TRIML2: variants seen among roughly 807,000 people sequenced by gnomAD.
The protein encoded by TRIML2 is probable E3 ubiquitin-protein ligase TRIML2.
A neutral mutation model predicts 31.2 loss-of-function variants in TRIML2; 28 were observed. The ratio of observed to expected loss-of-function variants is 0.90; its 90% CI spans 0.66 to 1.23. TRIML2 has a LOEUF of 1.23. Among genes scored for constraint, TRIML2 ranks in the 50% most tolerant of loss-of-function variants. The pLI, the probability that TRIML2 is intolerant of heterozygous loss-of-function variation, is 0.00. For synonymous variants in TRIML2, 187 were observed against 197.5 expected, an observed-to-expected ratio of 0.95 and a Z score of 0.45; for missense variants, 536 against 528.3, an observed-to-expected ratio of 1.01 and a Z score of -0.14.
At chr4:188,104,463 AGCGATT>A (rs1362655618) in intron 3 of TRIML2, among the ~76,000 whole-genome samples, 1 of 151,932 alleles carries the variant, frequency 6.6e-6, no homozygotes, top group East Asian at 1.9e-4. Context: ...TCCCAGTTCA[AGCGATT>A]CTCCTGCCTC....
chr4:188,091,753 T>A lies in TRIML2; in HGVS notation c.934A>T (p.Lys312Ter), dbSNP rs760254795. The change falls in exon 8 of 8, where the codon AAG (lysine) becomes TAG (stop). Residue 312 changes from lysine to a stop codon, truncating the protein, a stop_gained. Coordinates refer to ENST00000682553, the MANE Select transcript of TRIML2 (RefSeq NM_173553.4). LOFTEE classifies it low-confidence loss of function (END_TRUNC). ...ATGCCCACTTGCCACCTGGTTGCCT[T>A]TTCCACGTCCACCTCCCAGTAGTGC... ...GRHYWEVDVE[K>*]ATRWQVGIYH... is the part of the protein sequence containing the mutation. 3.7e-6 allele frequency: 6 copies of A among 1,614,048 alleles called. No individual in the cohort carries two copies. In the East Asian group the frequency reaches 1.3e-4, roughly 36 times the overall value.
chr4:188,102,067 T>C (rs1415383624), intron 3 of TRIML2, among the ~76,000 whole-genome samples: 1 of 149,496 alleles, frequency 6.7e-6, no homozygotes, highest in African/African-American at 2.5e-5. Flanking sequence ...GAGGTGGAGC[T>C]TGCAGTGAGC....
intron 7 of TRIML2, among the ~76,000 whole-genome samples, chr4:188,095,828 G>A (rs556453412): frequency 2.0e-5 from 3 of 152,122 alleles, no homozygotes; most frequent in African/African-American, 4.8e-5. Flanking sequence ...GTAAATTATG[G>A]TATATTTATA....
chr4:188,105,262 G>A lies in TRIML2; in HGVS notation c.107C>T (p.Thr36Ile). Reference protein sequence around the residue: ...TRLFCDVDQITLCSKCFQSQE... With the variant: ...TRLFCDVDQIILCSKCFQSQE... ...GGACTGGAAGCATTTGCTGCAGAGT[G>A]TGATTTGGTCAACATCACAGAACAG... Residue 36 changes from threonine to isoleucine, a missense_variant, in exon 2 of 8, where the codon ACA becomes ATA. Physicochemically the swap from Thr to Ile is moderately conservative, Grantham distance 89 (BLOSUM62 -1). Coordinates refer to ENST00000682553, the MANE Select transcript of TRIML2 (RefSeq NM_173553.4). The A allele has an allele frequency of 1.9e-6, 3 of 1,612,854 alleles. No individual in the cohort carries two copies. The highest frequency in any genetic ancestry group is 1.3e-5 in the African/African-American group (1 of 75,052).
chr4:188,106,554 C>A, intron 1 of TRIML2: 2 of 153,994 alleles, frequency 1.3e-5, no homozygotes, highest in South Asian at 3.7e-4. Context: ...GTTCAGTCAC[C>A]AACATGCAGT....
At chr4:188,103,728 A>G (rs979741808) in intron 3 of TRIML2, among the ~76,000 whole-genome samples, 1 of 152,158 alleles carries the variant, frequency 6.6e-6, no homozygotes, top group Admixed American at 6.6e-5. Flanking sequence ...GTTTATATCC[A>G]CTAGAATGCA....
At position 188,104,818 on chromosome 4, in the gene TRIML2, A is replaced by C. The variant is rs9685561; in HGVS notation, c.285+19T>G. 0.1 allele frequency: 163,095 copies of C among 1,587,344 alleles called. 10,627 individuals are homozygous for C. Among genetic ancestry groups the C allele is most frequent in the South Asian group, 0.27 (24,474 of 89,966 alleles). The stretch of plus-strand genomic sequence containing the variant: ...TACTGGTAATTTCCCCCCAAGAATC[A>C]AGATAAGCACTCACTGACCTGAATC... On this transcript the variant is annotated intron_variant, in intron 3 of 7. Coordinates refer to ENST00000682553, the MANE Select transcript of TRIML2 (RefSeq NM_173553.4).
intron 1 of TRIML2, among the ~76,000 whole-genome samples, chr4:188,107,139 C>T (rs746449519): frequency 3.3e-5 from 5 of 152,014 alleles, no homozygotes; most frequent in Non-Finnish European, 7.4e-5. Context: ...CTCAGCCTCC[C>T]GAGTAGCTGG....
At position 188,105,201 on chromosome 4, in the gene TRIML2, T is replaced by C. The variant is rs1483453757; in HGVS notation, c.168A>G (p.Gln56=). The C allele has an allele frequency of 3.1e-6, 5 of 1,603,168 alleles. No individual in the cohort carries two copies. The highest frequency in any genetic ancestry group is 4.3e-6 in the Non-Finnish European group (5 of 1,170,758). ...TTACCCTGTAATTCTCAGCAGCCTC[T>C]TGTATCCCACACACCATGTGATGTT... ...EHKHHMVCGI[Q]EAAENYRKLF... is the part of the protein sequence containing the mutation. Residue 56 remains glutamine, a synonymous_variant, in exon 2 of 8, where the codon CAA becomes CAG. Transcript: ENST00000682553.
chr4:188,108,780 G>T (rs1433263270), intron 1 of TRIML2, among the ~76,000 whole-genome samples: 3 of 152,098 alleles, frequency 2.0e-5, no homozygotes, highest in African/African-American at 7.2e-5. Context: ...TCCCAAGAGA[G>T]ACCTTTCCAT....
rs1440385924 is a variant in TRIML2 at position 188,109,374 on chromosome 4, T to C, written c.-354A>G. 2 of 141,548 alleles carry C rather than the reference T, an allele frequency of 1.4e-5. No homozygotes were observed. Among genetic ancestry groups the C allele is most frequent in the African/African-American group, 5.2e-5 (2 of 38,228 alleles). 8.8% of individuals were successfully genotyped at this position (141,548 alleles called of 1,614,324 possible). On this transcript the variant is annotated 5_prime_UTR_variant, in exon 1 of 8. Transcript: ENST00000682553. ...TCACTACAGCCTCGAGCTCCCAGGC[T>C]CAAGTGATTCTCCCACCTTGACCTC...
At chr4:188,097,378 T>C in intron 5 of TRIML2, 32 bp from the exon 6 acceptor site, 1 of 1,611,062 alleles carries the variant, frequency 6.2e-7, no homozygotes, top group Non-Finnish European at 8.5e-7. Flanking sequence ...AGGTTACTAC[T>C]GGGTTTTTGA....
chr4:188,098,608 C>T, intron 5 of TRIML2: 1 of 191,188 alleles, frequency 5.2e-6, no homozygotes, highest in Non-Finnish European at 1.1e-5. Context: ...TGTTAGCAAC[C>T]ACACATGTAT....
At position 188,105,586 on chromosome 4, in the gene TRIML2, G is replaced by A; in HGVS notation, c.-218C>T. 1 of 412,604 alleles carries A rather than the reference G, an allele frequency of 2.4e-6. No homozygotes were observed. Among genetic ancestry groups the A allele is most frequent in the Non-Finnish European group, 4.4e-6 (1 of 229,432 alleles). 25.6% of individuals were successfully genotyped at this position (412,604 alleles called of 1,614,324 possible). On this transcript the variant is annotated 5_prime_UTR_variant, in exon 2 of 8. Coordinates refer to ENST00000682553, the MANE Select transcript of TRIML2 (RefSeq NM_173553.4). ...CAAATCCAACAAATTTCTGGCAGCT[G>A]CCTGCTTGGGGAAAAGACAGAGTTA...
intron 3 of TRIML2, among the ~76,000 whole-genome samples, chr4:188,104,266 C>A (rs749728417): frequency 1.1e-4 from 17 of 152,200 alleles, no homozygotes; most frequent in Non-Finnish European, 2.4e-4. Context: ...AGTTCAAATT[C>A]TTTCAATGTA....
intron 5 of TRIML2, chr4:188,098,207 T>C (rs1733612785): frequency 4.4e-6 from 2 of 451,804 alleles, no homozygotes; most frequent in African/African-American, 2.0e-5. Flanking sequence ...ATACTTACCA[T>C]AGACTGAGTA....
chr4:188,091,908 G>T lies in TRIML2; in HGVS notation c.779C>A (p.Pro260His). 1 of 1,612,654 alleles carries T rather than the reference G, an allele frequency of 6.2e-7. No individual in the cohort carries two copies. The highest frequency in any genetic ancestry group is 8.5e-7 in the Non-Finnish European group (1 of 1,179,930). Residue 260 changes from proline (P) to histidine (H), a missense_variant, in exon 8 of 8, where the codon CCC becomes CAC. By Grantham distance (77) the Pro-to-His change is moderately conservative. Coordinates refer to ENST00000682553, the MANE Select transcript of TRIML2 (RefSeq NM_173553.4). ...CAGGTCCTCAGATAGTGCCAGGCAG[G>T]GATGAGCTGTTTCAGGATCCAATGT... is the stretch of plus-strand genomic sequence containing the variant. ...HLTLDPETAH[P>H]CLALSEDLRT...
At chr4:188,104,742 T>G in intron 3 of TRIML2, 95 bp downstream of exon 3, 1 of 1,043,756 alleles carries the variant, frequency 9.6e-7, no homozygotes, top group Non-Finnish European at 1.5e-6. Context: ...TTTTCCTGCT[T>G]TGTGATTTGT....
chr4:188,104,983 G>C (rs2111189067), intron 2 of TRIML2, 51 bp from the exon 3 acceptor site: 1 of 1,543,498 alleles, frequency 6.5e-7, no homozygotes, highest in South Asian at 1.1e-5. Context: ...TAGAACAGTT[G>C]GATTCCTGAC....
Sources: allele counts gnomAD v4.1 joint callset (sites outside exome capture counted in the v4.1 genomes callset), GRCh38; gene constraint gnomAD v4.1.1; transcripts MANE v1.5; gene names NCBI Gene and HGNC (gene_info 2026-07-23, HGNC 2026-07-21).